The following CAP2 variants were observed in gnomAD, a reference collection of about 807,000 sequenced individuals.
The protein encoded by CAP2 is adenylyl cyclase-associated protein 2.
Under a neutral mutation model 57.7 loss-of-function variants are expected in CAP2, and 24 were observed. That is an observed-to-expected ratio of 0.42 (90% confidence interval 0.30 to 0.58). CAP2 has a LOEUF of 0.58. CAP2 is among the 20% of genes least tolerant of loss of function. The probability of loss-of-function intolerance (pLI) is 0.22; values close to 1 mark genes in which losing one functional copy is unlikely to be tolerated. For synonymous variants in CAP2, 194 were observed against 207.2 expected, an observed-to-expected ratio of 0.94 and a Z score of 0.55; for missense variants, 501 against 590.3, an observed-to-expected ratio of 0.85 and a Z score of 1.57.
At chr6:17,531,263 G>A (rs911350035) in intron 7 of CAP2, 3 of 822,204 alleles carry the variant, frequency 3.6e-6, no homozygotes, top group Non-Finnish European at 6.4e-6. Context: ...CTGAAGCCTT[G>A]TTGAGCTTCA....
In CAP2 at chr6:17,408,707, C is replaced by G. The variant is rs926753626; in HGVS notation, c.-1-12848C>G. Among the ~76,000 whole-genome samples the G allele has an allele frequency of 2.7e-5, 4 of 145,494 alleles. No individual in the cohort carries two copies. The Admixed American group carries it at 2.8e-4, about 10-fold the overall frequency. On this transcript the variant is annotated intron_variant, in intron 1 of 12. Coordinates refer to ENST00000229922, the MANE Select transcript of CAP2 (RefSeq NM_006366.3). ...GACGGAGTCTCACTCTGTCGCCACACTGGAGTGCAGTGGCATGATCTCTAC... is the reference window on the plus strand; with the variant it reads ...GACGGAGTCTCACTCTGTCGCCACAGTGGAGTGCAGTGGCATGATCTCTAC...
chr6:17,497,692 A>G (rs183558951), intron 4 of CAP2, among the ~76,000 whole-genome samples: 2 of 152,302 alleles, frequency 1.3e-5, no homozygotes, highest in Admixed American at 1.3e-4. Context: ...TACAAGGGAA[A>G]TACACTAGAG....
chr6:17,426,559 C>A, intron 2 of CAP2, 31 bp from the exon 3 acceptor site: 1 of 1,524,182 alleles, frequency 6.6e-7, no homozygotes, highest in Non-Finnish European at 9.1e-7. Flanking sequence ...ATTCAACGGC[C>A]AGGGAATAAC....
intron 1 of CAP2, among the ~76,000 whole-genome samples, chr6:17,409,824 T>C (rs139498240): frequency 3.2e-4 from 48 of 152,148 alleles, no homozygotes; most frequent in African/African-American, 1.1e-3. Context: ...TCCCTTTCCC[T>C]CCAAACCTCC....
rs571906848 is a variant in CAP2 at position 17,483,933 on chromosome 6, C to T, written c.300+20860C>T. Among the ~76,000 whole-genome samples the T allele has an allele frequency of 7.2e-5, 11 of 151,944 alleles. No individual in the cohort carries two copies. The South Asian group carries it at 2.3e-3, about 32-fold the overall frequency. ...TGGATAGAGCCCCATAGGTTCTCTC[C>T]TGTGTGCTTCTTGTCTGTTTCTGGT... On this transcript the variant is annotated intron_variant, in intron 4 of 12. Coordinates refer to ENST00000229922, the MANE Select transcript of CAP2 (RefSeq NM_006366.3).
At chr6:17,463,844 A>T (rs1003722635) in intron 4 of CAP2, among the ~76,000 whole-genome samples, 7 of 152,238 alleles carry the variant, frequency 4.6e-5, no homozygotes, top group African/African-American at 1.2e-4. Context: ...AAAGATATTT[A>T]GAGGTGTTAG....
intron 4 of CAP2, among the ~76,000 whole-genome samples, chr6:17,476,354 TTTTA>T (rs1761150355): frequency 6.6e-6 from 1 of 152,160 alleles, no homozygotes; most frequent in Admixed American, 6.5e-5. Context: ...TCAATAATAA[TTTTA>T]TTTGACTCTT....
intron 3 of CAP2, among the ~76,000 whole-genome samples, chr6:17,438,314 C>T (rs1014068179): frequency 4.0e-5 from 6 of 149,052 alleles, no homozygotes; most frequent in Non-Finnish European, 7.4e-5. Flanking sequence ...TGCAGTGGGC[C>T]GAGATCGTGC....
chr6:17,513,762 AC>A lies in CAP2; in HGVS notation c.531-86del. On this transcript the variant is annotated intron_variant, in intron 6 of 12. Coordinates refer to ENST00000229922, the MANE Select transcript of CAP2 (RefSeq NM_006366.3). The surrounding 1 kb of genome is among the most constrained non-coding windows in gnomAD (Gnocchi z 4.3). ...GCTCCGGGCTCCAGGGCCCCTAGTC[AC>A]TAGATAACCATGTGCCCCCACAATT... The A allele has an allele frequency of 1.2e-6, 1 of 846,660 alleles. No homozygotes were observed. The highest frequency in any genetic ancestry group is 2.0e-6 in the Non-Finnish European group (1 of 505,602). 52.4% of individuals were successfully genotyped at this position (846,660 alleles called of 1,614,324 possible).
Position 17,419,274 on chromosome 6 carries a change from T to C in CAP2, c.-1-2281T>C, listed in dbSNP as rs921083767. ...AGCAGAAACATAAAATATTTATCCA[T>C]CTGAGAGCAATTAAATTTATTTACC... On this transcript the variant is annotated intron_variant, in intron 1 of 12. Transcript: ENST00000229922. 2.0e-5 allele frequency among the ~76,000 whole-genome samples: 3 copies of C among 152,336 alleles called. No individual in the cohort carries two copies. In the South Asian group the frequency reaches 6.2e-4, roughly 32 times the overall value.
At chr6:17,406,862 C>T (rs1758992870) in intron 1 of CAP2, among the ~76,000 whole-genome samples, 1 of 152,092 alleles carries the variant, frequency 6.6e-6, no homozygotes, top group Non-Finnish European at 1.5e-5. Context: ...GTTCCTCTGG[C>T]CAAAAAGAGG....
chr6:17,405,574 T>C (rs1016272727), intron 1 of CAP2, among the ~76,000 whole-genome samples: 14 of 152,042 alleles, frequency 9.2e-5, no homozygotes, highest in African/African-American at 3.1e-4. Context: ...TGGACCATTG[T>C]TGACCATGGG....
In CAP2 at chr6:17,475,910, C is replaced by A. The variant is rs752313676; in HGVS notation, c.300+12837C>A. On this transcript the variant is annotated intron_variant, in intron 4 of 12. Transcript: ENST00000229922. The stretch of plus-strand genomic sequence containing the variant: ...TCCTGTCTCTGTGCAGATGGAATCT[C>A]TATATAGAATAATGACCAACACATC... Among the ~76,000 whole-genome samples, 11 of 152,292 alleles carry A rather than the reference C, an allele frequency of 7.2e-5. 1 individual carries two copies. Among genetic ancestry groups the A allele is most frequent in the Non-Finnish European group, 1.5e-4 (10 of 68,018 alleles).
At chr6:17,492,210 C>G (rs992405364) in intron 4 of CAP2, among the ~76,000 whole-genome samples, 2 of 152,136 alleles carry the variant, frequency 1.3e-5, no homozygotes, top group African/African-American at 2.4e-5. Flanking sequence ...TATTTTTTCT[C>G]TCTATAAATT....
intron 3 of CAP2, among the ~76,000 whole-genome samples, chr6:17,455,728 G>A (rs1254282502): frequency 1.3e-5 from 2 of 152,046 alleles, no homozygotes; most frequent in Non-Finnish European, 2.9e-5. Flanking sequence ...GTAGAGATGG[G>A]GTTTCACCAT....
At chr6:17,536,188 C>T in intron 7 of CAP2, 1 of 456,634 alleles carries the variant, frequency 2.2e-6, no homozygotes, top group Non-Finnish European at 4.4e-6. Flanking sequence ...TGTGGCCAGA[C>T]ATAAGAGAAT....
chr6:17,502,756 G>A (rs943991799), intron 4 of CAP2, among the ~76,000 whole-genome samples: 2 of 152,104 alleles, frequency 1.3e-5, no homozygotes, highest in African/African-American at 2.4e-5. Context: ...CAGTGGGCCA[G>A]GTATCATCAA....
intron 4 of CAP2, among the ~76,000 whole-genome samples, chr6:17,466,213 GTCC>G (rs1014858434): frequency 1.3e-5 from 2 of 152,134 alleles, no homozygotes; most frequent in Admixed American, 6.5e-5. Context: ...GTGTCTTACT[GTCC>G]TCCTTCTTTC....
chr6:17,452,400 G>A (rs973851857), intron 3 of CAP2, among the ~76,000 whole-genome samples: 2 of 152,132 alleles, frequency 1.3e-5, no homozygotes, highest in African/African-American at 4.8e-5. Flanking sequence ...TTACTTCTTT[G>A]TGCCACTTCC....
Sources: allele counts gnomAD v4.1 joint callset (sites outside exome capture counted in the v4.1 genomes callset), GRCh38; gene constraint gnomAD v4.1.1; non-coding constraint Gnocchi (gnomAD v3.1); transcripts MANE v1.5; gene names NCBI Gene and HGNC (gene_info 2026-07-23, HGNC 2026-07-21).